TAOK2: variants seen among roughly 807,000 people sequenced by gnomAD.
The protein encoded by TAOK2 is serine/threonine-protein kinase TAO2.
TAOK2 carries 42 observed loss-of-function variants against 122.5 expected under a neutral mutation model. That is an observed-to-expected ratio of 0.34 (90% CI 0.27 to 0.44). TAOK2 has a LOEUF of 0.44. TAOK2 is among the 20% of genes least tolerant of loss of function. The probability of loss-of-function intolerance (pLI) is 1.00; values close to 1 mark genes in which losing one functional copy is unlikely to be tolerated. For synonymous variants in TAOK2, 704 were observed against 677.6 expected, an observed-to-expected ratio of 1.04 and a Z score of -0.61; for missense variants, 1,264 against 1,644.9, an observed-to-expected ratio of 0.77 and a Z score of 4.01.
downstream of TAOK2, chr16:29,990,736 T>G: frequency 6.5e-7 from 1 of 1,544,928 alleles, no homozygotes; most frequent in Non-Finnish European, 8.8e-7. Context: ...GGGAGGATAG[T>G]GGGGGTGGGG....
intron 2 of TAOK2, 46 bp from the exon 3 acceptor site, chr16:29,978,043 C>G: frequency 1.2e-6 from 2 of 1,612,930 alleles, no homozygotes; most frequent in Non-Finnish European, 1.7e-6. Flanking sequence ...CTTCCCATGC[C>G]CGGCTCTCAA....
At chr16:29,981,445 G>C in intron 8 of TAOK2, 1 of 613,884 alleles carries the variant, frequency 1.6e-6, no homozygotes, top group Non-Finnish European at 2.9e-6. Flanking sequence ...TATTTTCTTT[G>C]ACCCCTATTC....
At chr16:29,992,205 G>A (rs1261414134), downstream of TAOK2, 2 of 151,988 alleles carry the variant, frequency 1.3e-5, no homozygotes, top group African/African-American at 2.4e-5. Flanking sequence ...TCTCAGCTGT[G>A]GGGCTGGCAC....
downstream of TAOK2, chr16:29,989,793 C>T: frequency 6.2e-7 from 1 of 1,613,676 alleles, no homozygotes; most frequent in Non-Finnish European, 8.5e-7. Flanking sequence ...CAGAGATGCT[C>T]AGCTCACAGG....
At chr16:29,991,298 A>C, downstream of TAOK2, 2 of 1,611,508 alleles carry the variant, frequency 1.2e-6, no homozygotes, top group Non-Finnish European at 1.7e-6. This position sits in a 1 kb window ranked among gnomAD's most constrained non-coding sequence, Gnocchi z 5.6. Context: ...CTCCTCCACC[A>C]GGCATGCCCC....
chr16:29,985,884 C>A lies in TAOK2; in HGVS notation c.1992+23C>A, dbSNP rs776732403. On this transcript the variant is annotated intron_variant, in intron 15 of 15. Transcript: ENST00000308893. This position sits in a 1 kb window ranked among gnomAD's most constrained non-coding sequence, Gnocchi z 6.9. ...GAGGTAGGCATCCCAATCTCTGTTCCCCTCCCGCTCACTCGTGGATCCCAG... is the reference window on the plus strand; with the variant it reads ...GAGGTAGGCATCCCAATCTCTGTTCACCTCCCGCTCACTCGTGGATCCCAG... 1.9e-6 allele frequency: 3 copies of A among 1,605,500 alleles called. No homozygotes were observed. The African/African-American group carries it at 4.0e-5, about 21-fold the overall frequency.
In TAOK2 at chr16:29,979,162, A is replaced by G. The variant is rs1321519380; in HGVS notation, c.450-33A>G. ...TGCCCCTGCCTAGCTTTCTTGAGAC[A>G]CATGTCTCATCCCTGTACTTTGCCT... On this transcript the variant is annotated intron_variant, in intron 6 of 15. Coordinates refer to ENST00000308893, the MANE Select transcript of TAOK2 (RefSeq NM_016151.4). The surrounding 1 kb of genome is among the most constrained non-coding windows in gnomAD (Gnocchi z 4.1). 5.0e-6 allele frequency: 8 copies of G among 1,613,668 alleles called. No homozygotes were observed. The East Asian group carries it at 6.7e-5, about 13-fold the overall frequency.
chr16:29,981,603 C>G (rs1567241496), intron 8 of TAOK2, 58 bp from the exon 9 acceptor site: 1 of 1,535,958 alleles, frequency 6.5e-7, no homozygotes, highest in Non-Finnish European at 9.0e-7. Flanking sequence ...CAGTTCCATT[C>G]CATTGTCCTC....
At chr16:29,988,614 G>A (rs903755785), downstream of TAOK2, 2 of 985,244 alleles carry the variant, frequency 2.0e-6, no homozygotes, top group South Asian at 4.7e-5. Flanking sequence ...GAACTTCACC[G>A]AACTTCTTGG....
In TAOK2 at chr16:29,979,035, C is replaced by G. The variant is rs2069540603; in HGVS notation, c.414C>G (p.Gly138=). ...IAAVTHGALQ[G]LAYLHSHNMI... ...CTGTGACCCACGGGGCGCTTCAGGGCCTGGCATATCTGCACTCCCACAACA... is the reference window on the plus strand; with the variant it reads ...CTGTGACCCACGGGGCGCTTCAGGGGCTGGCATATCTGCACTCCCACAACA... The change falls in exon 6 of 16, where the codon GGC becomes GGG. Residue 138 remains glycine, a synonymous_variant. Transcript: ENST00000308893. This position sits in a 1 kb window ranked among gnomAD's most constrained non-coding sequence, Gnocchi z 4.1. The G allele has an allele frequency of 3.1e-6, 5 of 1,614,134 alleles. No homozygotes were observed. In the East Asian group the frequency reaches 1.1e-4, roughly 36 times the overall value.
At position 29,981,865 on chromosome 16, in the gene TAOK2, G is replaced by A. The variant is rs1451336273; in HGVS notation, c.756G>A (p.Glu252=). 1 of 1,612,344 alleles carries A rather than the reference G, an allele frequency of 6.2e-7. No individual in the cohort carries two copies. The highest frequency in any genetic ancestry group is 8.5e-7 in the Non-Finnish European group (1 of 1,178,732). ...ACCCTCCTGTGACTTTCAGGTCTGA[G>A]TACTTCCGGAATTTTGTCGACTCCT... ...SPVLQSGHWS[E]YFRNFVDSCL... Residue 252 remains glutamate, a synonymous_variant, in exon 10 of 16, where the codon GAG becomes GAA. Transcript: ENST00000308893.
Position 29,985,238 on chromosome 16 carries a change from A to G in TAOK2, c.1448A>G (p.Glu483Gly). The change falls in exon 14 of 16, where the codon GAG becomes GGG. Residue 483 changes from glutamate (E) to glycine (G), a missense_variant. Transcript: ENST00000308893. This position sits in a 1 kb window ranked among gnomAD's most constrained non-coding sequence, Gnocchi z 6.9. ...GTCAGCCGTCAGATCCAGGAGCATG[A>G]GCAGGACTCTGCGCTGCGGGAGCAG... is the stretch of plus-strand genomic sequence containing the variant. The part of the protein sequence containing the change: ...SLVSRQIQEH[E>G]QDSALREQLS... The G allele has an allele frequency of 6.5e-7, 1 of 1,530,840 alleles. No homozygotes were observed. The highest frequency in any genetic ancestry group is 8.8e-7 in the Non-Finnish European group (1 of 1,137,852). 94.8% of individuals were successfully genotyped at this position (1,530,840 alleles called of 1,614,324 possible).
In TAOK2 at chr16:29,985,011, C is replaced by T. The variant is rs912920758; in HGVS notation, c.1423-202C>T. ...CCTGTGCTCGCCACCTTTTATCATT[C>T]GGCCACACCAACTTGTGATGTAGAT... is the stretch of plus-strand genomic sequence containing the variant. On this transcript the variant is annotated intron_variant, in intron 13 of 15. Coordinates refer to ENST00000308893, the MANE Select transcript of TAOK2 (RefSeq NM_016151.4). The surrounding 1 kb of genome is among the most constrained non-coding windows in gnomAD (Gnocchi z 6.9). 4.0e-5 allele frequency: 23 copies of T among 577,072 alleles called. No individual in the cohort carries two copies. The East Asian group carries it at 6.4e-4, about 16-fold the overall frequency. 35.7% of individuals were successfully genotyped at this position (577,072 alleles called of 1,614,324 possible).
intron 1 of TAOK2, among the ~76,000 whole-genome samples, chr16:29,975,911 T>A (rs2069439540): frequency 6.6e-6 from 1 of 152,220 alleles, no homozygotes; most frequent in South Asian, 2.1e-4. Flanking sequence ...AAGGAACTTA[T>A]TTAAAGCCCT....
Position 29,985,095 on chromosome 16 carries a change from T to C in TAOK2, c.1423-118T>C. On this transcript the variant is annotated intron_variant, in intron 13 of 15. Coordinates refer to ENST00000308893, the MANE Select transcript of TAOK2 (RefSeq NM_016151.4). The surrounding 1 kb of genome is among the most constrained non-coding windows in gnomAD (Gnocchi z 6.9). Reference sequence around the variant, plus strand: ...AGAGTGGCCGTGTGTGAGGAAGGTGTTAAATGAGAATGAAACCCATGAGTT... The same window carrying C: ...AGAGTGGCCGTGTGTGAGGAAGGTGCTAAATGAGAATGAAACCCATGAGTT... 1 of 1,309,654 alleles carries C rather than the reference T, an allele frequency of 7.6e-7. No homozygotes were observed. Among genetic ancestry groups the C allele is most frequent in the Non-Finnish European group, 1.0e-6 (1 of 1,002,532 alleles). 81.1% of individuals were successfully genotyped at this position (1,309,654 alleles called of 1,614,324 possible). A position where few individuals can be genotyped will look rare whatever the true frequency, so the allele number is the denominator to read the frequency against.
chr16:29,987,474 A>C lies in TAOK2; in HGVS notation c.3202A>C (p.Arg1068=), dbSNP rs1409976034. The change falls in exon 16 of 16, where the codon AGA becomes CGA. Residue 1068 remains arginine, a synonymous_variant. Transcript: ENST00000308893. ...TCTGGTGGCTATGGCAGCGGGGGGC[A>C]GATGGGTGCGGCAGCAGGGCCCCCG... The part of the protein sequence containing the change: ...LPLVAMAAGG[R]WVRQQGPRVR... The C allele has an allele frequency of 3.1e-6, 5 of 1,592,924 alleles. No individual in the cohort carries two copies. The highest frequency in any genetic ancestry group is 4.3e-6 in the Non-Finnish European group (5 of 1,168,038).
At chr16:29,977,988 C>G in intron 2 of TAOK2, 84 bp downstream of exon 2, 4 of 1,611,472 alleles carry the variant, frequency 2.5e-6, no homozygotes, top group Non-Finnish European at 2.5e-6. Context: ...GCACACTACT[C>G]CATCACACTG....
At position 29,985,836 on chromosome 16, in the gene TAOK2, G is replaced by T. The variant is rs747760164; in HGVS notation, c.1967G>T (p.Ser656Ile). ...YKRKMLLARH[S>I]LDQDLLREDL... ...CGCAAGATGTTGCTGGCTCGGCACA[G>T]CCTGGACCAGGACCTGCTGCGGGAG... is the stretch of plus-strand genomic sequence containing the variant. Residue 656 changes from serine to isoleucine, a missense_variant, in exon 15 of 16, where the codon AGC becomes ATC. Physicochemically the swap from Ser to Ile is moderately radical, Grantham distance 142. Transcript: ENST00000308893. The surrounding 1 kb of genome is among the most constrained non-coding windows in gnomAD (Gnocchi z 6.9). 2 of 1,611,768 alleles carry T rather than the reference G, an allele frequency of 1.2e-6. No individual in the cohort carries two copies. The highest frequency in any genetic ancestry group is 2.2e-5 in the East Asian group (1 of 44,870).
downstream of TAOK2, chr16:29,990,802 C>A (rs200093063): frequency 3.7e-5 from 60 of 1,610,732 alleles, no homozygotes; most frequent in Non-Finnish European, 3.4e-6. Context: ...TGATGAGACC[C>A]AGGAGGCAGA....
Sources: allele counts gnomAD v4.1 joint callset (sites outside exome capture counted in the v4.1 genomes callset), GRCh38; gene constraint gnomAD v4.1.1; non-coding constraint Gnocchi (gnomAD v3.1); transcripts MANE v1.5; gene names NCBI Gene and HGNC (gene_info 2026-07-23, HGNC 2026-07-21).